TBL1XR1: variants seen among roughly 807,000 people sequenced by gnomAD.
TBL1XR1 encodes the protein F-box-like/WD repeat-containing protein TBL1XR1.
In TBL1XR1, 5 loss-of-function variants were observed where a neutral mutation model predicts 66.9. The ratio of observed to expected loss-of-function variants is 0.07; its 90% confidence interval spans 0.04 to 0.16. The LOEUF is 0.16. TBL1XR1 is among the 10% of genes least tolerant of loss of function. TBL1XR1 has a pLI of 1.00. For missense variants in TBL1XR1, 238 were observed against 623.2 expected (o/e 0.38, Z 6.58); for synonymous variants, 210 against 206.0 (o/e 1.02, Z -0.17).
chr3:177,053,852 G>T lies in TBL1XR1; in HGVS notation c.125C>A (p.Ala42Asp). Residue 42 changes from alanine to aspartate, a missense_variant, in exon 4 of 16, where the codon GCC (alanine) becomes GAC (aspartate). By Grantham distance (126) the Ala-to-Asp change is moderately radical (BLOSUM62 -2). Transcript: ENST00000457928. ...AATCAATGCAGCGGGTGGGACGAGGGCACCATTTATATTGGACTGACTGAT... is the reference window on the plus strand; with the variant it reads ...AATCAATGCAGCGGGTGGGACGAGGTCACCATTTATATTGGACTGACTGAT... ...SHISQSNING[A>D]LVPPAALISI... 6.2e-7 allele frequency: 1 copy of T among 1,613,622 alleles called. No homozygotes were observed.
At chr3:177,037,082 G>A (rs897488753) in intron 12 of TBL1XR1, among the ~76,000 whole-genome samples, 1 of 152,132 alleles carries the variant, frequency 6.6e-6, no homozygotes, top group Non-Finnish European at 1.5e-5. Context: ...GTGGATGTTG[G>A]TATGTCAACT....
In TBL1XR1 at chr3:177,136,270, G is replaced by C. The variant is rs185036754; in HGVS notation, c.-121-37729C>G. On this transcript the variant is annotated intron_variant, in intron 1 of 15. Transcript: ENST00000457928. ...GCCATAGACAAAAGCACTGTCTGTT[G>C]TATGCACTGACATACCTCTCAATTT... The C allele has an allele frequency of 1.0e-3, 159 of 152,222 alleles. 1 individual carries two copies. The highest frequency in any genetic ancestry group is 3.7e-3 in the African/African-American group (153 of 41,540). 9.4% of individuals were successfully genotyped at this position (152,222 alleles called of 1,614,324 possible). A position where few individuals can be genotyped will look rare whatever the true frequency, so the allele number is the denominator to read the frequency against.
chr3:177,058,565 T>G (rs1445599727), intron 3 of TBL1XR1, among the ~76,000 whole-genome samples: 1 of 152,232 alleles, frequency 6.6e-6, no homozygotes, highest in African/African-American at 2.4e-5. Context: ...TAAAAGAATA[T>G]TACCTCAAAT....
At chr3:177,184,288 G>A (rs1428627660) in intron 1 of TBL1XR1, among the ~76,000 whole-genome samples, 1 of 152,072 alleles carries the variant, frequency 6.6e-6, no homozygotes, top group South Asian at 2.1e-4. Flanking sequence ...TGACAGGATC[G>A]GTGCAGTATC....
At chr3:177,090,917 A>C (rs1319726916) in intron 2 of TBL1XR1, among the ~76,000 whole-genome samples, 1 of 152,188 alleles carries the variant, frequency 6.6e-6, no homozygotes, top group Non-Finnish European at 1.5e-5. Context: ...TGAGCCCAGA[A>C]GGTCGGGGCT....
intron 2 of TBL1XR1, chr3:177,087,058 G>A (rs1304171998): frequency 6.9e-6 from 1 of 144,828 alleles, no homozygotes; most frequent in Non-Finnish European, 1.5e-5. Flanking sequence ...GGTGGGAGAG[G>A]TAGAAGAGGT....
At chr3:177,042,067 A>G (rs1430227861) in intron 10 of TBL1XR1, among the ~76,000 whole-genome samples, 1 of 152,084 alleles carries the variant, frequency 6.6e-6, no homozygotes, top group Non-Finnish European at 1.5e-5. Context: ...CCTTTATTGG[A>G]GTGTCTAGTT....
intron 1 of TBL1XR1, among the ~76,000 whole-genome samples, chr3:177,172,906 C>T (rs745876925): frequency 1.3e-5 from 2 of 152,230 alleles, no homozygotes; most frequent in Non-Finnish European, 2.9e-5. Flanking sequence ...GGCGCGGTGG[C>T]TCATGCCTGT....
At chr3:177,194,764 T>C (rs1433597289) in intron 1 of TBL1XR1, among the ~76,000 whole-genome samples, 1 of 152,210 alleles carries the variant, frequency 6.6e-6, no homozygotes, top group South Asian at 2.1e-4. Flanking sequence ...GGGAGACTGG[T>C]GTCATGGTAA....
rs374047074 is a variant in TBL1XR1 at position 177,086,241 on chromosome 3, A to C, written c.-46+12225T>G. On this transcript the variant is annotated intron_variant, in intron 2 of 15. Coordinates refer to ENST00000457928, the MANE Select transcript of TBL1XR1 (RefSeq NM_024665.7). The stretch of plus-strand genomic sequence containing the variant: ...ATGTATCTGGAATATTATTTCTTAT[A>C]ATCAATAGTTTAAAATTGAGATATT... 1.8e-4 allele frequency among the ~76,000 whole-genome samples: 27 copies of C among 152,052 alleles called. No individual in the cohort carries two copies. The East Asian group carries it at 3.3e-3, about 18-fold the overall frequency.
At chr3:177,182,017 T>C (rs955170053) in intron 1 of TBL1XR1, among the ~76,000 whole-genome samples, 1 of 152,190 alleles carries the variant, frequency 6.6e-6, no homozygotes, top group African/African-American at 2.4e-5. Context: ...TACACTGTTT[T>C]CAAGCCAAAA....
intron 2 of TBL1XR1, among the ~76,000 whole-genome samples, chr3:177,083,024 T>C (rs1208771421): frequency 6.6e-6 from 1 of 151,832 alleles, no homozygotes; most frequent in East Asian, 1.9e-4. Context: ...TCCAAAGAGA[T>C]ATTTTAAAAT....
chr3:177,186,664 C>T (rs62296615), intron 1 of TBL1XR1, among the ~76,000 whole-genome samples: 1 of 152,194 alleles, frequency 6.6e-6, no homozygotes, highest in Admixed American at 6.5e-5. Flanking sequence ...TATACCCCAT[C>T]TGGCAAGGTG....
rs573058347 is a variant in TBL1XR1 at position 177,087,277 on chromosome 3, A to G, written c.-46+11189T>C. On this transcript the variant is annotated intron_variant, in intron 2 of 15. Coordinates refer to ENST00000457928, the MANE Select transcript of TBL1XR1 (RefSeq NM_024665.7). ...ATGGTTTTTGGCATTTTTCTCTTAC[A>G]TGTTTAAAGTACCTCTATGTAATCT... 2.6e-5 allele frequency among the ~76,000 whole-genome samples: 4 copies of G among 152,014 alleles called. No homozygotes were observed. The South Asian group carries it at 8.3e-4, about 31-fold the overall frequency.
intron 14 of TBL1XR1, 102 bp downstream of exon 14, chr3:177,032,869 T>A: frequency 6.3e-6 from 6 of 955,908 alleles, no homozygotes; most frequent in Non-Finnish European, 8.4e-6. Flanking sequence ...ATTCAATTAA[T>A]GCCACAAGAG....
At chr3:177,135,805 C>G (rs1396223752) in intron 1 of TBL1XR1, among the ~76,000 whole-genome samples, 1 of 151,896 alleles carries the variant, frequency 6.6e-6, no homozygotes. Flanking sequence ...AAGATTCCTG[C>G]TCTACTGGCA....
chr3:177,124,104 C>T (rs879380169), intron 1 of TBL1XR1, among the ~76,000 whole-genome samples: 18 of 151,962 alleles, frequency 1.2e-4, no homozygotes, highest in Non-Finnish European at 1.9e-4. Flanking sequence ...CTAGATCAAG[C>T]GATGAGACCA....
chr3:177,077,180 G>A (rs769787004), intron 2 of TBL1XR1, among the ~76,000 whole-genome samples: 6 of 152,252 alleles, frequency 3.9e-5, no homozygotes, highest in Non-Finnish European at 7.4e-5. Flanking sequence ...CAGTACTTTC[G>A]CTGCATACAT....
intron 1 of TBL1XR1, among the ~76,000 whole-genome samples, chr3:177,157,976 C>G (rs1023262934): frequency 6.6e-6 from 1 of 152,114 alleles, no homozygotes; most frequent in Middle Eastern, 3.4e-3. Flanking sequence ...ATACTATCCT[C>G]GTTAAGTGTT....
Sources: gnomAD v4.1 joint callset for allele counts (sites outside exome capture counted in the v4.1 genomes callset) on GRCh38, gnomAD v4.1.1 for gene constraint, MANE v1.5 for transcripts, NCBI Gene and HGNC (gene_info 2026-07-23, HGNC 2026-07-21) for gene names.